The following SVEP1 variants were observed in gnomAD, a reference collection of about 807,000 sequenced individuals.
SVEP1 encodes sushi, von Willebrand factor type A, EGF and pentraxin domain containing 1.
A neutral mutation model predicts 367.3 loss-of-function variants in SVEP1; 164 were observed. That is an observed-to-expected ratio of 0.45 (90% CI 0.39 to 0.51). The LOEUF is 0.51. Among genes scored for constraint, SVEP1 ranks in the 20% least tolerant of loss-of-function variants. SVEP1 has a pLI of 0.00. For missense variants in SVEP1, 4,117 were observed against 4,425.3 expected (o/e 0.93, Z 1.98); for synonymous variants, 1,666 against 1,611.6 (o/e 1.03, Z -0.81).
intron 8 of SVEP1, 43 bp downstream of exon 8, chr9:110,496,772 A>C (rs1829452788): frequency 7.1e-7 from 1 of 1,400,886 alleles, no homozygotes; most frequent in Non-Finnish European, 9.9e-7. Flanking sequence ...CAGTATATTT[A>C]GAATTCATTT....
intron 1 of SVEP1, among the ~76,000 whole-genome samples, chr9:110,567,993 G>T (rs1056955156): frequency 6.6e-6 from 1 of 152,154 alleles, no homozygotes; most frequent in Non-Finnish European, 1.5e-5. Flanking sequence ...TCACCCTTAA[G>T]CTGCGATACT....
At position 110,579,421 on chromosome 9, in the gene SVEP1, C is replaced by T; in HGVS notation, c.123G>A (p.Gly41=). 1 of 1,584,148 alleles carries T rather than the reference C, an allele frequency of 6.3e-7. No homozygotes were observed. Among genetic ancestry groups the T allele is most frequent in the South Asian group, 1.1e-5 (1 of 87,362 alleles). The change falls in exon 1 of 48, where the codon GGG becomes GGA. Residue 41 remains glycine (G), a synonymous_variant. Coordinates refer to ENST00000374469, the MANE Select transcript of SVEP1 (RefSeq NM_153366.4). The surrounding 1 kb of genome is among the most constrained non-coding windows in gnomAD (Gnocchi z 5.3). ...SFRLFPETAP[G]APGSIPAPPA... is the part of the protein sequence containing the mutation. ...GCGGCGCGGGGATACTCCCGGGGGCCCCGGGCGCGGTCTCGGGGAAGAGGC... is the reference window on the plus strand; with the variant it reads ...GCGGCGCGGGGATACTCCCGGGGGCTCCGGGCGCGGTCTCGGGGAAGAGGC...
At chr9:110,405,161 T>A (rs1827936204) in intron 38 of SVEP1, among the ~76,000 whole-genome samples, 1 of 152,236 alleles carries the variant, frequency 6.6e-6, no homozygotes, top group South Asian at 2.1e-4. Context: ...TATTATTGAA[T>A]TCATTTTTAT....
chr9:110,394,332 C>T (rs1827722240), intron 40 of SVEP1, among the ~76,000 whole-genome samples: 1 of 152,090 alleles, frequency 6.6e-6, no homozygotes, highest in African/African-American at 2.4e-5. Flanking sequence ...AAAGGACATC[C>T]ACACCAAAAA....
In SVEP1 at chr9:110,472,337, GCA is replaced by G; in HGVS notation, c.2600-16_2600-15del. ...AGCCACCTGGTCCTGGATAGTCGGG[GCA>G]GAGACACAAATGATCACACAGTTGC... On this transcript the variant is annotated splice_polypyrimidine_tract_variant and intron_variant, in intron 14 of 47. Transcript: ENST00000374469. The G allele has an allele frequency of 6.5e-7, 1 of 1,548,086 alleles. No homozygotes were observed. The highest frequency in any genetic ancestry group is 8.7e-7 in the Non-Finnish European group (1 of 1,150,666).
intron 19 of SVEP1, 150 bp downstream of exon 19, chr9:110,458,802 G>A: frequency 1.0e-6 from 1 of 995,246 alleles, no homozygotes; most frequent in Non-Finnish European, 1.4e-6. Context: ...TTTGTGTCAT[G>A]GTCATCAAAA....
intron 40 of SVEP1, among the ~76,000 whole-genome samples, chr9:110,391,412 A>C (rs550966803): frequency 6.6e-6 from 1 of 151,912 alleles, no homozygotes; most frequent in South Asian, 2.1e-4. Flanking sequence ...CTGAGACTAC[A>C]GGTGCCTGCC....
chr9:110,396,715 C>A (rs893321623), intron 40 of SVEP1, among the ~76,000 whole-genome samples: 1 of 151,356 alleles, frequency 6.6e-6, no homozygotes, highest in African/African-American at 2.4e-5. Flanking sequence ...CTATAAACAC[C>A]TCTAGGCAAA....
chr9:110,436,644 TGCA>T lies in SVEP1; in HGVS notation c.4640-143_4640-141del, dbSNP rs1449545687. The T allele has an allele frequency of 5.6e-6, 7 of 1,245,646 alleles. No homozygotes were observed. In the African/African-American group the frequency reaches 1.1e-4, roughly 19 times the overall value. 77.2% of individuals were successfully genotyped at this position (1,245,646 alleles called of 1,614,324 possible). ...GAAAAGCAAAATTCTGTAAATTTAC[TGCA>T]GGTTTTATCAATAAGAACAAATTCA... On this transcript the variant is annotated intron_variant, in intron 27 of 47. Transcript: ENST00000374469.
At chr9:110,496,307 A>G (rs1829445764) in intron 8 of SVEP1, among the ~76,000 whole-genome samples, 1 of 152,184 alleles carries the variant, frequency 6.6e-6, no homozygotes, top group Non-Finnish European at 1.5e-5. Context: ...ACCCACCCTC[A>G]GTCTGGGTGG....
At chr9:110,491,604 T>TGTGG (rs1336819094) in intron 8 of SVEP1, among the ~76,000 whole-genome samples, 4 of 151,674 alleles carry the variant, frequency 2.6e-5, no homozygotes, top group Non-Finnish European at 4.4e-5. Flanking sequence ...TGTGTGTGTG[T>TGTGG]GTGTGTGTGT....
At chr9:110,449,463 A>C (rs1325727865) in intron 24 of SVEP1, among the ~76,000 whole-genome samples, 1 of 152,190 alleles carries the variant, frequency 6.6e-6, no homozygotes, top group Non-Finnish European at 1.5e-5. Flanking sequence ...CATGTGGCTC[A>C]TCTGAGGCCA....
chr9:110,395,165 T>C (rs1057450898), intron 40 of SVEP1, among the ~76,000 whole-genome samples: 40 of 152,204 alleles, frequency 2.6e-4, no homozygotes, highest in African/African-American at 8.9e-4. Context: ...CAGCAGAAAC[T>C]CTACAAGCCA....
rs1017684101 is a variant in SVEP1 at position 110,365,776 on chromosome 9, T to A, written c.*763A>T. The A allele has an allele frequency of 6.6e-6, 1 of 152,248 alleles. No homozygotes were observed. The highest frequency in any genetic ancestry group is 2.4e-5 in the African/African-American group (1 of 41,458). The allele number at this position is 152,248 out of a possible 1,614,324, so 9.4% of individuals were successfully genotyped here. Reference sequence around the variant, plus strand: ...GGATTACCAGTCCGGGTATCAGCTCTTTGTTAATCTTCCAGTTCTTGCATT... The same window carrying A: ...GGATTACCAGTCCGGGTATCAGCTCATTGTTAATCTTCCAGTTCTTGCATT... On this transcript the variant is annotated 3_prime_UTR_variant, in exon 48 of 48. Coordinates refer to ENST00000374469, the MANE Select transcript of SVEP1 (RefSeq NM_153366.4).
chr9:110,372,511 TAAAAG>T (rs972654776), intron 46 of SVEP1, among the ~76,000 whole-genome samples: 5 of 152,174 alleles, frequency 3.3e-5, no homozygotes, highest in South Asian at 2.1e-4. Flanking sequence ...GCTAAGGTGT[TAAAAG>T]AAATGCAAAT....
At chr9:110,400,565 C>G (rs993168868) in intron 40 of SVEP1, among the ~76,000 whole-genome samples, 1 of 152,134 alleles carries the variant, frequency 6.6e-6, no homozygotes, top group Non-Finnish European at 1.5e-5. Context: ...CGGGGTTTCA[C>G]CATGTTGGCC....
chr9:110,455,599 C>T lies in SVEP1; in HGVS notation c.3778G>A (p.Gly1260Ser). The T allele has an allele frequency of 6.2e-7, 1 of 1,612,842 alleles. No individual in the cohort carries two copies. Among genetic ancestry groups the T allele is most frequent in the Non-Finnish European group, 8.5e-7 (1 of 1,179,290 alleles). The change falls in exon 22 of 48, where the codon GGT (glycine) becomes AGT (serine). Residue 1260 changes from glycine to serine, a missense_variant. Transcript: ENST00000374469. The stretch of plus-strand genomic sequence containing the variant: ...GAGACCTTCCCCTTACCTGTGTAAC[C>T]TGATGGGCACTCACAAATGAATTCC... ...VGEFICECPS[G>S]YTGQRCEENI...
intron 36 of SVEP1, among the ~76,000 whole-genome samples, chr9:110,414,725 A>G (rs1043326575): frequency 1.3e-5 from 2 of 151,948 alleles, no homozygotes; most frequent in African/African-American, 2.4e-5. Context: ...TTTATGACAG[A>G]GCTCCCAAAT....
rs1829232354 is a variant in SVEP1 at position 110,483,625 on chromosome 9, C to T, written c.1999G>A (p.Ala667Thr). Residue 667 changes from alanine (A) to threonine (T), a missense_variant, in exon 10 of 48, where the codon GCC (alanine) becomes ACC (threonine). Coordinates refer to ENST00000374469, the MANE Select transcript of SVEP1 (RefSeq NM_153366.4). ...AACTGAGGCTCATCCCAGCTTGCGG[C>T]ATGTACCTTCTCCGAGACCTGGACG... ...PPVQVSEKVHAASWDEPQFSD... is the reference protein window; with the variant it reads ...PPVQVSEKVHTASWDEPQFSD... The T allele has an allele frequency of 6.2e-7, 1 of 1,612,644 alleles. No homozygotes were observed. Among genetic ancestry groups the T allele is most frequent in the South Asian group, 1.1e-5 (1 of 90,864 alleles).
Sources: gnomAD v4.1 joint callset for allele counts (sites outside exome capture counted in the v4.1 genomes callset) on GRCh38, gnomAD v4.1.1 for gene constraint, Gnocchi (gnomAD v3.1) non-coding constraint, MANE v1.5 for transcripts, NCBI Gene and HGNC (gene_info 2026-07-23, HGNC 2026-07-21) for gene names.